Variants in CREB5 observed in about 807,000 individuals in gnomAD.
The protein encoded by CREB5 is cyclic AMP-responsive element-binding protein 5.
CREB5 carries 19 observed loss-of-function variants against 57.1 expected under a neutral mutation model. The ratio of observed to expected loss-of-function variants is 0.33; its 90% confidence interval spans 0.23 to 0.49. The LOEUF (loss-of-function observed/expected upper bound fraction) is 0.49. Ranked by LOEUF, CREB5 falls within the 20% of genes least tolerant of loss-of-function variation. The pLI, the probability that CREB5 is intolerant of heterozygous loss-of-function variation, is 0.99. For missense variants in CREB5, 579 were observed against 671.6 expected (o/e 0.86, Z 1.52); for synonymous variants, 238 against 238.3 (o/e 1.00, Z 0.01).
At chr7:28,775,482 T>C (rs1469615916) in intron 7 of CREB5, among the ~76,000 whole-genome samples, 1 of 149,816 alleles carries the variant, frequency 6.7e-6, no homozygotes, top group Admixed American at 6.8e-5. Context: ...TTATCTGATT[T>C]TGGTATATAT....
intron 1 of CREB5, among the ~76,000 whole-genome samples, chr7:28,392,927 A>T (rs1787251185): frequency 6.8e-6 from 1 of 146,058 alleles, no homozygotes; most frequent in Non-Finnish European, 1.5e-5. Context: ...CAAAGCAGCA[A>T]TTTTTTTTTT....
chr7:28,370,446 A>G (rs1433432442), intron 1 of CREB5, among the ~76,000 whole-genome samples: 2 of 152,218 alleles, frequency 1.3e-5, no homozygotes, highest in Admixed American at 6.5e-5. Flanking sequence ...GTTTGGGAGG[A>G]TAAAAGTGAC....
At position 28,596,658 on chromosome 7, in the gene CREB5, T is replaced by C. The variant is rs144299319; in HGVS notation, c.464+26121T>C. On this transcript the variant is annotated intron_variant, in intron 5 of 10. Coordinates refer to ENST00000357727, the MANE Select transcript of CREB5 (RefSeq NM_182898.4). ...ACCTGGGTCCAAGCCTGGGCCCTGC[T>C]AGTTAACTGCTATGTGACCTTGGAC... 7.9e-4 allele frequency among the ~76,000 whole-genome samples: 120 copies of C among 152,334 alleles called. 2 individuals are homozygous for C. The highest frequency in any genetic ancestry group is 3.4e-3 in the Middle Eastern group (1 of 294).
intron 1 of CREB5, among the ~76,000 whole-genome samples, chr7:28,482,697 C>T (rs189624007): frequency 3.9e-5 from 6 of 152,306 alleles, no homozygotes; most frequent in South Asian, 2.1e-4. Flanking sequence ...GTCAATATCA[C>T]GAATAAAATT....
chr7:28,680,898 G>T (rs796560959), intron 5 of CREB5, among the ~76,000 whole-genome samples: 4 of 152,162 alleles, frequency 2.6e-5, no homozygotes, highest in African/African-American at 7.2e-5. Flanking sequence ...TAAAGTCCTG[G>T]TGGCAGTGTC....
intron 5 of CREB5, among the ~76,000 whole-genome samples, chr7:28,652,827 T>C (rs35506237): frequency 0.16 from 23,853 of 152,206 alleles, 2,153 homozygotes; most frequent in East Asian, 0.24. Context: ...TGTAATTTTA[T>C]TGTAGGCTGT....
chr7:28,761,828 G>A (rs905190304), intron 7 of CREB5, among the ~76,000 whole-genome samples: 21 of 152,014 alleles, frequency 1.4e-4, no homozygotes, highest in African/African-American at 4.1e-4. Context: ...AATTATATAT[G>A]CCAAGACTTG....
chr7:28,734,031 G>C (rs968582943), intron 7 of CREB5, among the ~76,000 whole-genome samples: 1 of 151,944 alleles, frequency 6.6e-6, no homozygotes, highest in African/African-American at 2.4e-5. Flanking sequence ...AGATATCTAC[G>C]TTGGTACCTG....
chr7:28,345,273 C>CTTT (rs58373526), intron 1 of CREB5, among the ~76,000 whole-genome samples: 3 of 148,618 alleles, frequency 2.0e-5, no homozygotes, highest in African/African-American at 5.0e-5. Flanking sequence ...CAAAACAAGT[C>CTTT]TTTTTTTTTT....
intron 1 of CREB5, among the ~76,000 whole-genome samples, chr7:28,321,973 G>C (rs530395339): frequency 3.8e-4 from 58 of 152,284 alleles, no homozygotes; most frequent in Admixed American, 1.1e-3. Context: ...TTAAGATGTA[G>C]AAATTGGATT....
At chr7:28,308,561 C>A (rs993438745) in intron 1 of CREB5, among the ~76,000 whole-genome samples, 1 of 152,132 alleles carries the variant, frequency 6.6e-6, no homozygotes, top group Non-Finnish European at 1.5e-5. Context: ...GGACTCAAAC[C>A]CAGGCTGCCT....
At chr7:28,599,740 T>TTTTG (rs1324607734) in intron 5 of CREB5, among the ~76,000 whole-genome samples, 1 of 2,772 alleles carries the variant, frequency 3.6e-4, no homozygotes, top group Non-Finnish European at 0.014. Flanking sequence ...TTTTGTTTTG[T>TTTTG]TTTGTTTTGT....
At chr7:28,474,427 AG>A (rs1282219150) in intron 1 of CREB5, among the ~76,000 whole-genome samples, 4 of 152,220 alleles carry the variant, frequency 2.6e-5, no homozygotes, top group African/African-American at 9.6e-5. Context: ...AGGCTTGCCC[AG>A]AAAAATAACA....
At chr7:28,393,774 AG>A (rs1787276692) in intron 1 of CREB5, among the ~76,000 whole-genome samples, 1 of 152,136 alleles carries the variant, frequency 6.6e-6, no homozygotes, top group Non-Finnish European at 1.5e-5. Context: ...GAAATGGTGT[AG>A]TGTTAAAGTG....
At chr7:28,314,696 C>T (rs1321927568) in intron 1 of CREB5, among the ~76,000 whole-genome samples, 1 of 152,136 alleles carries the variant, frequency 6.6e-6, no homozygotes, top group African/African-American at 2.4e-5. Context: ...GAAAGAAAAC[C>T]AGAAGGGCAC....
chr7:28,596,043 C>T (rs928960637), intron 5 of CREB5, among the ~76,000 whole-genome samples: 1 of 152,238 alleles, frequency 6.6e-6, no homozygotes, highest in Non-Finnish European at 1.5e-5. Flanking sequence ...TCCCCTCTAG[C>T]TGGTGAAACC....
chr7:28,524,227 A>G (rs533323729), intron 4 of CREB5, among the ~76,000 whole-genome samples: 1 of 152,016 alleles, frequency 6.6e-6, no homozygotes, highest in Non-Finnish European at 1.5e-5. Context: ...CTGTGAGCTC[A>G]GCATTTCGGG....
chr7:28,646,957 T>C (rs1480329481), intron 5 of CREB5, among the ~76,000 whole-genome samples: 4 of 152,098 alleles, frequency 2.6e-5, no homozygotes, highest in Admixed American at 6.5e-5. Flanking sequence ...CTGTAAAAGA[T>C]GTTTATAGAA....
At chr7:28,545,759 C>T (rs374377816) in intron 4 of CREB5, among the ~76,000 whole-genome samples, 1 of 152,188 alleles carries the variant, frequency 6.6e-6, no homozygotes, top group African/African-American at 2.4e-5. Context: ...CTATTTTCTC[C>T]TATCTTCAGT....
Sources: gnomAD v4.1 joint callset for allele counts (sites outside exome capture counted in the v4.1 genomes callset) on GRCh38, gnomAD v4.1.1 for gene constraint, MANE v1.5 for transcripts, NCBI Gene and HGNC (gene_info 2026-07-23, HGNC 2026-07-21) for gene names.